Variants in PRKG1 observed in about 807,000 individuals in gnomAD.
PRKG1 encodes the protein cGMP-dependent protein kinase 1.
PRKG1 carries 35 observed loss-of-function variants against 88.1 expected under a neutral mutation model. The observed-to-expected ratio is 0.40, with a 90% CI of 0.30 to 0.53. The LOEUF (loss-of-function observed/expected upper bound fraction) is 0.53, where lower values mean the gene tolerates loss of function less well. PRKG1 is among the 20% of genes least tolerant of loss of function. The probability of loss-of-function intolerance (pLI) is 0.59; values close to 1 mark genes in which losing one functional copy is unlikely to be tolerated. For missense variants in PRKG1, 540 were observed against 839.8 expected (o/e 0.64, Z 4.41); for synonymous variants, 303 against 292.5 (o/e 1.04, Z -0.37).
intron 5 of PRKG1, among the ~76,000 whole-genome samples, chr10:52,003,613 T>C (rs140954448): frequency 3.3e-3 from 504 of 152,294 alleles, no homozygotes; most frequent in Non-Finnish European, 5.6e-3. Flanking sequence ...CTGATGCTGG[T>C]CAGACTCTCA....
At chr10:51,381,909 G>A (rs1214298659) in intron 2 of PRKG1, among the ~76,000 whole-genome samples, 1 of 152,160 alleles carries the variant, frequency 6.6e-6, no homozygotes. Context: ...CAAGCTCTGG[G>A]ATTGCCGTAA....
intron 9 of PRKG1, among the ~76,000 whole-genome samples, chr10:52,188,624 A>C (rs1839283535): frequency 6.6e-6 from 1 of 152,140 alleles, no homozygotes; most frequent in Admixed American, 6.5e-5. Flanking sequence ...TATTCATTAT[A>C]ATTTTAATTT....
chr10:52,154,024 C>G (rs377489691), intron 8 of PRKG1, among the ~76,000 whole-genome samples: 2 of 152,042 alleles, frequency 1.3e-5, no homozygotes, highest in African/African-American at 4.8e-5. Flanking sequence ...GGATTGCAGG[C>G]GTGAGCCACT....
chr10:51,852,940 A>G (rs952000917), intron 4 of PRKG1, among the ~76,000 whole-genome samples: 32 of 152,174 alleles, frequency 2.1e-4, no homozygotes, highest in African/African-American at 7.7e-4. Context: ...AGACTGGCAT[A>G]TTATTTTTAA....
At chr10:51,412,896 G>T (rs2132691166) in intron 2 of PRKG1, among the ~76,000 whole-genome samples, 1 of 152,234 alleles carries the variant, frequency 6.6e-6, no homozygotes, top group South Asian at 2.1e-4. Flanking sequence ...AGGGATAGAG[G>T]GAGAAAGGTT....
At chr10:51,943,770 A>G (rs1842962515) in intron 5 of PRKG1, among the ~76,000 whole-genome samples, 1 of 152,020 alleles carries the variant, frequency 6.6e-6, no homozygotes, top group African/African-American at 2.4e-5. Flanking sequence ...TGATTTGCAT[A>G]TATTGAACCA....
intron 4 of PRKG1, among the ~76,000 whole-genome samples, chr10:51,904,713 A>G (rs1589407466): frequency 6.6e-6 from 1 of 152,242 alleles, no homozygotes; most frequent in Non-Finnish European, 1.5e-5. Flanking sequence ...CTTCTTAAAA[A>G]TCATCCTTAA....
At chr10:51,100,504 A>G (rs879707517) in intron 1 of PRKG1, among the ~76,000 whole-genome samples, 10 of 152,216 alleles carry the variant, frequency 6.6e-5, no homozygotes, top group Non-Finnish European at 1.3e-4. Context: ...ATGTAACACA[A>G]TGAAGTACAA....
Position 51,153,144 on chromosome 10 carries a change from T to A in PRKG1, c.312-20T>A. The A allele has an allele frequency of 6.2e-7, 1 of 1,606,836 alleles. No homozygotes were observed. Among genetic ancestry groups the A allele is most frequent in the Non-Finnish European group, 8.5e-7 (1 of 1,175,884 alleles). ...AGAGCTTGTCAGATGTGCCAGTAAA[T>A]CTTCCCTCTCTTGCCATAGGTCCAA... On this transcript the variant is annotated intron_variant, in intron 1 of 17. Coordinates refer to ENST00000373980, the MANE Select transcript of PRKG1 (RefSeq NM_006258.4).
chr10:52,280,266 CTT>C lies in PRKG1; in HGVS notation c.1404-522_1404-521del, dbSNP rs1234276063. ...TATGATTGCATCAGTAGCATTATAA[CTT>C]ATTTCCGGAGTGGTTCTTTGAAAAC... On this transcript the variant is annotated intron_variant, in intron 12 of 17. Coordinates refer to ENST00000373980, the MANE Select transcript of PRKG1 (RefSeq NM_006258.4). 2.6e-5 allele frequency among the ~76,000 whole-genome samples: 4 copies of C among 152,152 alleles called. No individual in the cohort carries two copies. The East Asian group carries it at 7.7e-4, about 29-fold the overall frequency.
intron 5 of PRKG1, among the ~76,000 whole-genome samples, chr10:51,999,272 C>T (rs542906217): frequency 1.3e-5 from 2 of 152,236 alleles, no homozygotes; most frequent in East Asian, 3.9e-4. Context: ...TTACATTGTC[C>T]GGGACAGAAC....
At position 51,553,810 on chromosome 10, in the gene PRKG1, ATG is replaced by A. The variant is rs1404489006; in HGVS notation, c.592+85976_592+85977del. Among the ~76,000 whole-genome samples the A allele has an allele frequency of 5.9e-4, 68 of 115,552 alleles. 8 individuals carry two copies. The highest frequency in any genetic ancestry group is 1.9e-3 in the African/African-American group (65 of 34,138). The allele number at this position is 115,552 out of a possible 152,430, so 75.8% of individuals were successfully genotyped here. The stretch of plus-strand genomic sequence containing the variant: ...TTAGATACGTGTATATAATATATGT[ATG>A]TATTAGATACGTGTATATAATATAT... On this transcript the variant is annotated intron_variant, in intron 3 of 17. Transcript: ENST00000373980.
At chr10:50,994,145 G>A (rs890029277) in intron 1 of PRKG1, among the ~76,000 whole-genome samples, 2 of 152,096 alleles carry the variant, frequency 1.3e-5, no homozygotes, top group African/African-American at 4.8e-5. Context: ...TGACTCATTA[G>A]AGTTTAAAAA....
chr10:51,657,333 T>C (rs1840186278), intron 3 of PRKG1, among the ~76,000 whole-genome samples: 1 of 152,176 alleles, frequency 6.6e-6, no homozygotes, highest in Admixed American at 6.6e-5. Context: ...ACAGAAAAAT[T>C]ATTCTCATGA....
At chr10:52,065,458 A>G (rs1229010704) in intron 7 of PRKG1, among the ~76,000 whole-genome samples, 1 of 152,176 alleles carries the variant, frequency 6.6e-6, no homozygotes, top group Non-Finnish European at 1.5e-5. Context: ...ACTTCTAAGA[A>G]GTAATTTAGG....
intron 3 of PRKG1, among the ~76,000 whole-genome samples, chr10:51,502,653 G>C (rs965222900): frequency 2.6e-5 from 4 of 151,990 alleles, no homozygotes; most frequent in Non-Finnish European, 2.9e-5. Context: ...TGTGAAATGG[G>C]GATAATGATG....
chr10:52,291,021 C>G (rs912443874), intron 17 of PRKG1, among the ~76,000 whole-genome samples: 2 of 149,220 alleles, frequency 1.3e-5, no homozygotes, highest in Non-Finnish European at 1.5e-5. Context: ...ATCCCAGGTT[C>G]AAGCAATTCT....
intron 2 of PRKG1, among the ~76,000 whole-genome samples, chr10:51,164,879 C>T (rs1256807312): frequency 5.9e-5 from 9 of 152,112 alleles, no homozygotes; most frequent in Non-Finnish European, 1.2e-4. Context: ...ACAAAGCCTC[C>T]AAGAAATATG....
At chr10:51,420,580 A>G (rs1437186004) in intron 2 of PRKG1, among the ~76,000 whole-genome samples, 1 of 152,184 alleles carries the variant, frequency 6.6e-6, no homozygotes, top group Non-Finnish European at 1.5e-5. Context: ...CAGTAGCTAT[A>G]GGTCAAAGGT....
Sources: gnomAD v4.1 joint callset for allele counts (sites outside exome capture counted in the v4.1 genomes callset) on GRCh38, gnomAD v4.1.1 for gene constraint, MANE v1.5 for transcripts, NCBI Gene and HGNC (gene_info 2026-07-23, HGNC 2026-07-21) for gene names.